Variants in ADAMTS12 observed in about 807,000 individuals in gnomAD.
The protein encoded by ADAMTS12 is A disintegrin and metalloproteinase with thrombospondin motifs 12.
A neutral mutation model predicts 167.8 loss-of-function variants in ADAMTS12; 118 were observed. The ratio of observed to expected loss-of-function variants is 0.70; its 90% CI spans 0.61 to 0.82. ADAMTS12 has a LOEUF of 0.82. Among genes scored for constraint, ADAMTS12 ranks in the 40% least tolerant of loss-of-function variants. The probability of loss-of-function intolerance (pLI) is 0.00; values close to 1 mark genes in which losing one functional copy is unlikely to be tolerated. For synonymous variants in ADAMTS12, 704 were observed against 716.9 expected (o/e 0.98, Z 0.29); for missense variants, 1,916 against 1,998.8 (o/e 0.96, Z 0.79).
At position 33,658,327 on chromosome 5, in the gene ADAMTS12, G is replaced by A; in HGVS notation, c.1047C>T (p.Asp349=). 1 of 1,613,368 alleles carries A rather than the reference G, an allele frequency of 6.2e-7. No homozygotes were observed. The change falls in exon 7 of 24, where the codon GAC becomes GAT. Residue 349 remains aspartate, a synonymous_variant. Coordinates refer to ENST00000504830, the MANE Select transcript of ADAMTS12 (RefSeq NM_030955.4). ...HDVAVLLTRK[D]ICAGFNRPCE... ...AGGGGCGATTGAAACCAGCACAGAT[G>A]TCCTTTCTGAAAGCAGAGAATACAG...
chr5:33,589,291 T>C (rs1228364392), intron 17 of ADAMTS12, among the ~76,000 whole-genome samples: 1 of 152,212 alleles, frequency 6.6e-6, no homozygotes, highest in Non-Finnish European at 1.5e-5. Context: ...ATTTTGACCA[T>C]GCTATTGAAT....
intron 11 of ADAMTS12, 75 bp from the exon 12 acceptor site, chr5:33,637,821 T>C: frequency 6.7e-7 from 1 of 1,496,804 alleles, no homozygotes. Flanking sequence ...TCCTCTGGTA[T>C]CTGGCCTTGA....
intron 16 of ADAMTS12, among the ~76,000 whole-genome samples, chr5:33,597,205 G>C (rs1467994805): frequency 6.6e-6 from 1 of 152,196 alleles, no homozygotes; most frequent in Non-Finnish European, 1.5e-5. Flanking sequence ...AGGGAATGTA[G>C]AGGAGTGGCC....
chr5:33,614,719 T>C (rs1738902212), intron 15 of ADAMTS12, among the ~76,000 whole-genome samples: 2 of 152,180 alleles, frequency 1.3e-5, no homozygotes, highest in African/African-American at 2.4e-5. Context: ...TTTCCAACAA[T>C]AGGCCGATAG....
intron 23 of ADAMTS12, among the ~76,000 whole-genome samples, chr5:33,529,945 C>T (rs922316849): frequency 8.5e-5 from 13 of 152,066 alleles, no homozygotes; most frequent in African/African-American, 2.4e-4. Flanking sequence ...TATTTTGAGA[C>T]GGTTCCCTCT....
intron 7 of ADAMTS12, among the ~76,000 whole-genome samples, chr5:33,657,040 T>C (rs2112208427): frequency 6.6e-6 from 1 of 152,296 alleles, no homozygotes; most frequent in South Asian, 2.1e-4. Flanking sequence ...ACTCATTTTA[T>C]AGATGAGGAA....
At chr5:33,869,407 G>C (rs906992580) in intron 2 of ADAMTS12, among the ~76,000 whole-genome samples, 1 of 152,068 alleles carries the variant, frequency 6.6e-6, no homozygotes, top group East Asian at 1.9e-4. Context: ...TGCAGGGGTA[G>C]AGCCCTCATG....
Position 33,614,385 on chromosome 5 carries a change from C to G in ADAMTS12, c.2389-9G>C. 1 of 1,613,604 alleles carries G rather than the reference C, an allele frequency of 6.2e-7. No homozygotes were observed. The highest frequency in any genetic ancestry group is 8.5e-7 in the Non-Finnish European group (1 of 1,179,648). Reference sequence around the variant, plus strand: ...GTCACCTGGAATAGAAGCTAAAAGGCAAGAGAGGGGTCATGTCAAACTGTC... The same window carrying G: ...GTCACCTGGAATAGAAGCTAAAAGGGAAGAGAGGGGTCATGTCAAACTGTC... On this transcript the variant is annotated splice_polypyrimidine_tract_variant and intron_variant, in intron 15 of 23. Coordinates refer to ENST00000504830, the MANE Select transcript of ADAMTS12 (RefSeq NM_030955.4).
At chr5:33,642,906 G>A (rs1740516978) in intron 10 of ADAMTS12, among the ~76,000 whole-genome samples, 1 of 152,170 alleles carries the variant, frequency 6.6e-6, no homozygotes, top group Non-Finnish European at 1.5e-5. Context: ...GTTCTGTGGT[G>A]TCTGATTTGC....
intron 3 of ADAMTS12, among the ~76,000 whole-genome samples, chr5:33,705,001 T>A (rs1457879163): frequency 6.6e-6 from 1 of 152,054 alleles, no homozygotes; most frequent in African/African-American, 2.4e-5. Context: ...TAGTGTGAGG[T>A]AAGGGTTCAA....
At chr5:33,673,316 A>T (rs1043112704) in intron 5 of ADAMTS12, among the ~76,000 whole-genome samples, 5 of 152,148 alleles carry the variant, frequency 3.3e-5, no homozygotes, top group African/African-American at 1.2e-4. Context: ...CTCCGAGTTC[A>T]AATTTATGAA....
rs142488581 is a variant in ADAMTS12 at position 33,595,549 on chromosome 5, T to C, written c.2654+385A>G. Among the ~76,000 whole-genome samples, 628 of 152,334 alleles carry C rather than the reference T, an allele frequency of 4.1e-3. 6 individuals carry two copies. Among genetic ancestry groups the C allele is most frequent in the African/African-American group, 0.014 (573 of 41,578 alleles). On this transcript the variant is annotated intron_variant, in intron 17 of 23. Transcript: ENST00000504830. ...TCTTCTGGACAGCCTGAAGTACAAG[T>C]GGGCACTGTGATCGGAAGGTGCCAA...
intron 3 of ADAMTS12, among the ~76,000 whole-genome samples, chr5:33,686,109 G>A (rs1742314510): frequency 6.6e-6 from 1 of 152,190 alleles, no homozygotes; most frequent in African/African-American, 2.4e-5. Context: ...TTCTAATCAG[G>A]AGGCTGCTCC....
In ADAMTS12 at chr5:33,686,746, G is replaced by A. The variant is rs1019394848; in HGVS notation, c.635-2691C>T. Among the ~76,000 whole-genome samples the A allele has an allele frequency of 2.7e-4, 40 of 150,768 alleles. 1 individual carries two copies. The highest frequency in any genetic ancestry group is 8.9e-5 in the Non-Finnish European group (6 of 67,734). ...AGGAGACATGAAGACACAGCAGGAAGATATATACACCTCTCTCTCTATATA... is the reference window on the plus strand; with the variant it reads ...AGGAGACATGAAGACACAGCAGGAAAATATATACACCTCTCTCTCTATATA... On this transcript the variant is annotated intron_variant, in intron 3 of 23. Coordinates refer to ENST00000504830, the MANE Select transcript of ADAMTS12 (RefSeq NM_030955.4).
intron 20 of ADAMTS12, among the ~76,000 whole-genome samples, chr5:33,555,679 T>A (rs2111862134): frequency 6.6e-6 from 1 of 152,358 alleles, no homozygotes; most frequent in Non-Finnish European, 1.5e-5. Context: ...GGTGACGGTT[T>A]CTTAGAATTG....
chr5:33,873,036 C>A (rs1235848362), intron 2 of ADAMTS12, among the ~76,000 whole-genome samples: 2 of 152,114 alleles, frequency 1.3e-5, no homozygotes, highest in African/African-American at 2.4e-5. Context: ...TCCTCTTTCA[C>A]CACTCCTTTT....
rs773721801 is a variant in ADAMTS12, at chr5:33,626,371, GTGA to G, written c.2023-2023_2023-2021del. Among the ~76,000 whole-genome samples, 249 of 150,584 alleles carry G rather than the reference GTGA, an allele frequency of 1.7e-3. 3 individuals carry two copies. Among genetic ancestry groups the G allele is most frequent in the African/African-American group, 5.9e-3 (241 of 40,648 alleles). On this transcript the variant is annotated intron_variant, in intron 13 of 23. Transcript: ENST00000504830. ...TGGTGGTGATGTGATGGTGGTGGTG[GTGA>G]TGGGGGTGATGGTAGTGGTGATGGT... is the stretch of plus-strand genomic sequence containing the variant.
At chr5:33,752,365 GACC>G (rs889637511) in intron 2 of ADAMTS12, among the ~76,000 whole-genome samples, 2 of 152,152 alleles carry the variant, frequency 1.3e-5, no homozygotes, top group African/African-American at 4.8e-5. Context: ...CAAAGGACCT[GACC>G]TAGACAGACT....
chr5:33,776,601 A>G (rs1745917457), intron 2 of ADAMTS12, among the ~76,000 whole-genome samples: 1 of 152,140 alleles, frequency 6.6e-6, no homozygotes, highest in African/African-American at 2.4e-5. Flanking sequence ...TGTAGCAATA[A>G]ACGCCTCCAT....
Sources: gnomAD v4.1 joint callset for allele counts (sites outside exome capture counted in the v4.1 genomes callset) on GRCh38, gnomAD v4.1.1 for gene constraint, MANE v1.5 for transcripts, NCBI Gene and HGNC (gene_info 2026-07-23, HGNC 2026-07-21) for gene names.